Variants in WDR70 observed in about 807,000 individuals in gnomAD.
WDR70 encodes the protein WD repeat domain 70, also known as WD repeat-containing protein 70.
WDR70 carries 53 observed loss-of-function variants against 88.6 expected under a neutral mutation model. The observed-to-expected ratio is 0.60, with a 90% CI of 0.48 to 0.75. WDR70 has a LOEUF of 0.75. Ranked by LOEUF, WDR70 falls within the 30% of genes least tolerant of loss-of-function variation. The probability of loss-of-function intolerance (pLI) is 0.00; values close to 1 mark genes in which losing one functional copy is unlikely to be tolerated. For synonymous variants in WDR70, 280 were observed against 270.0 expected (o/e 1.04, Z -0.36); for missense variants, 610 against 823.2 (o/e 0.74, Z 3.17).
At chr5:37,422,573 G>A (rs181997573) in intron 5 of WDR70, among the ~76,000 whole-genome samples, 2 of 152,138 alleles carry the variant, frequency 1.3e-5, no homozygotes, top group Admixed American at 6.5e-5. Context: ...CACCTCCTGG[G>A]TTCAAGTGAT....
intron 10 of WDR70, among the ~76,000 whole-genome samples, chr5:37,691,982 G>A (rs1746809864): frequency 6.6e-6 from 1 of 151,956 alleles, no homozygotes; most frequent in African/African-American, 2.4e-5. Context: ...GAAGAAAAGA[G>A]AGAAGAATCA....
chr5:37,481,510 G>A (rs1034097021), intron 8 of WDR70, among the ~76,000 whole-genome samples: 5 of 152,122 alleles, frequency 3.3e-5, no homozygotes, highest in African/African-American at 4.8e-5. Context: ...GGCCTGAGGT[G>A]TATCTTGGCC....
At chr5:37,506,006 A>G in intron 8 of WDR70, 1 of 1,581,102 alleles carries the variant, frequency 6.3e-7, no homozygotes, top group East Asian at 2.2e-5. Flanking sequence ...CTCCTTCTGC[A>G]TTAGAACAGA....
chr5:37,401,869 T>A (rs1192604748), intron 5 of WDR70, among the ~76,000 whole-genome samples: 2 of 152,220 alleles, frequency 1.3e-5, no homozygotes, highest in African/African-American at 2.4e-5. Flanking sequence ...CAGAGTGTAA[T>A]GATCAAATCA....
intron 10 of WDR70, among the ~76,000 whole-genome samples, chr5:37,647,538 A>G (rs180771394): frequency 6.6e-6 from 1 of 152,238 alleles, no homozygotes; most frequent in East Asian, 1.9e-4. Context: ...ATTTGAAGGA[A>G]CTTGGGTATT....
At chr5:37,484,748 T>C (rs1452873741) in intron 8 of WDR70, among the ~76,000 whole-genome samples, 3 of 152,254 alleles carry the variant, frequency 2.0e-5, no homozygotes, top group East Asian at 1.9e-4. Context: ...TTGACTGTTC[T>C]TGGCTTGGTG....
chr5:37,412,538 C>G (rs1251645257), intron 5 of WDR70, among the ~76,000 whole-genome samples: 1 of 151,894 alleles, frequency 6.6e-6, no homozygotes, highest in African/African-American at 2.4e-5. Context: ...TCTTTGCTAT[C>G]CTGTTTCCCA....
intron 9 of WDR70, among the ~76,000 whole-genome samples, chr5:37,596,376 T>C (rs1187342550): frequency 2.0e-5 from 3 of 152,190 alleles, no homozygotes; most frequent in Non-Finnish European, 4.4e-5. Flanking sequence ...TACATTTCCT[T>C]TCTTCTCAAA....
At chr5:37,680,017 T>C (rs576683781) in intron 10 of WDR70, among the ~76,000 whole-genome samples, 1 of 152,362 alleles carries the variant, frequency 6.6e-6, no homozygotes, top group East Asian at 1.9e-4. Context: ...TCACCAACAA[T>C]GTAAAAGCAT....
At chr5:37,605,025 T>G in intron 9 of WDR70, 39 bp from the exon 10 acceptor site, 2 of 1,522,002 alleles carry the variant, frequency 1.3e-6, no homozygotes, top group Non-Finnish European at 1.8e-6. Flanking sequence ...TCCTTCTTTT[T>G]TTTTTTAAAT....
At chr5:37,747,853 C>G (rs2112744213) in intron 17 of WDR70, among the ~76,000 whole-genome samples, 1 of 152,238 alleles carries the variant, frequency 6.6e-6, no homozygotes, top group African/African-American at 2.4e-5. Context: ...AGTAGACAAG[C>G]AGAGAGTCAA....
chr5:37,617,545 G>A (rs1229481905), intron 10 of WDR70, among the ~76,000 whole-genome samples: 1 of 152,192 alleles, frequency 6.6e-6, no homozygotes, highest in Non-Finnish European at 1.5e-5. Flanking sequence ...ACTGGAATAT[G>A]GGAGTGGGTG....
intron 5 of WDR70, among the ~76,000 whole-genome samples, chr5:37,427,796 G>T (rs968382151): frequency 5.9e-5 from 9 of 152,210 alleles, no homozygotes; most frequent in African/African-American, 1.9e-4. Context: ...CTGAACCTGG[G>T]AGGTGGAGGT....
rs1745958182 is a variant in WDR70, at chr5:37,669,413, A to AAC, written c.1093-28242_1093-28241insAC. Among the ~76,000 whole-genome samples, 3 of 144,370 alleles carry AAC rather than the reference A, an allele frequency of 2.1e-5. No homozygotes were observed. In the South Asian group the frequency reaches 6.8e-4, roughly 33 times the overall value. The allele number at this position is 144,370 out of a possible 152,430, so 94.7% of individuals were successfully genotyped here. On this transcript the variant is annotated intron_variant, in intron 10 of 17. Coordinates refer to ENST00000265107, the MANE Select transcript of WDR70 (RefSeq NM_018034.4). ...TTATCTTTTTTTTAAAAAAAAAAAA[A>AAC]CATTTTGTTTTCTTTAGAGTCAGGG...
chr5:37,689,062 C>T (rs1310030949), intron 10 of WDR70, among the ~76,000 whole-genome samples: 1 of 152,172 alleles, frequency 6.6e-6, no homozygotes, highest in Non-Finnish European at 1.5e-5. Context: ...GGGTCCCACA[C>T]CCACACAGCC....
intron 9 of WDR70, among the ~76,000 whole-genome samples, chr5:37,590,508 T>C (rs569148258): frequency 6.6e-6 from 1 of 152,348 alleles, no homozygotes; most frequent in Non-Finnish European, 1.5e-5. Flanking sequence ...CTGTGAATGT[T>C]TCCTTTTTTG....
intron 10 of WDR70, among the ~76,000 whole-genome samples, chr5:37,634,658 C>T (rs534269545): frequency 6.6e-6 from 1 of 152,234 alleles, no homozygotes; most frequent in South Asian, 2.1e-4. Flanking sequence ...TGATGAGAAC[C>T]TCAACCAAGT....
At chr5:37,384,364 G>A (rs1210597649) in intron 3 of WDR70, among the ~76,000 whole-genome samples, 2 of 151,558 alleles carry the variant, frequency 1.3e-5, no homozygotes, top group Non-Finnish European at 2.9e-5. Flanking sequence ...TGTATTTTTA[G>A]TTGAGATAGA....
At chr5:37,554,173 C>T (rs1371175368) in intron 9 of WDR70, among the ~76,000 whole-genome samples, 1 of 149,704 alleles carries the variant, frequency 6.7e-6, no homozygotes, top group African/African-American at 2.5e-5. Flanking sequence ...CCAAAGACAG[C>T]TACTAAGTCA....
Sources: gnomAD v4.1 joint callset for allele counts (sites outside exome capture counted in the v4.1 genomes callset) on GRCh38, gnomAD v4.1.1 for gene constraint, MANE v1.5 for transcripts, NCBI Gene and HGNC (gene_info 2026-07-23, HGNC 2026-07-21) for gene names.